MICAL3: variants seen among roughly 807,000 people sequenced by gnomAD.
MICAL3 encodes the protein microtubule associated monooxygenase, calponin and LIM domain containing 3.
In MICAL3, 62 loss-of-function variants were observed where a neutral mutation model predicts 207.4. That is an observed-to-expected ratio of 0.30 (90% CI 0.24 to 0.37). The LOEUF (loss-of-function observed/expected upper bound fraction) is 0.37. MICAL3 is among the 10% of genes least tolerant of loss of function. The pLI is 1.00. For synonymous variants in MICAL3, 1,077 were observed against 1,069.3 expected, an observed-to-expected ratio of 1.01 and a Z score of -0.14; for missense variants, 2,368 against 2,635.6, an observed-to-expected ratio of 0.90 and a Z score of 2.22.
At chr22:17,936,944 C>G (rs890812286) in intron 1 of MICAL3, among the ~76,000 whole-genome samples, 1 of 152,174 alleles carries the variant, frequency 6.6e-6, no homozygotes, top group Non-Finnish European at 1.5e-5. Context: ...CCTTCCTCTG[C>G]AAGAGCACAG....
At chr22:17,911,229 T>C (rs565755320) in intron 1 of MICAL3, among the ~76,000 whole-genome samples, 5 of 152,244 alleles carry the variant, frequency 3.3e-5, no homozygotes, top group East Asian at 3.9e-4. Context: ...TAGTTGAAGG[T>C]TGTCACTGAC....
intron 1 of MICAL3, among the ~76,000 whole-genome samples, chr22:17,948,937 C>CGGTG (rs1934206378): frequency 2.0e-5 from 2 of 100,198 alleles, no homozygotes; most frequent in South Asian, 5.8e-4. Flanking sequence ...TTGGCCAGCA[C>CGGTG]GGTGGGTCGT....
rs749162034 is a variant in MICAL3 at position 17,805,972 on chromosome 22, C to A, written c.5650+2872G>T. ...CTCAAACTCCCGGCCTCAGGTGATC[C>A]GCCCACCTCGGCCTCCCAAAGTGTT... On this transcript the variant is annotated intron_variant, in intron 29 of 31. Coordinates refer to ENST00000441493, the MANE Select transcript of MICAL3 (RefSeq NM_015241.3). 8.9e-4 allele frequency among the ~76,000 whole-genome samples: 136 copies of A among 152,200 alleles called. 4 individuals carry two copies. The highest frequency in any genetic ancestry group is 8.8e-3 in the Admixed American group (135 of 15,278).
At chr22:18,017,868 G>A (rs1025991191) in intron 1 of MICAL3, among the ~76,000 whole-genome samples, 25 of 148,198 alleles carry the variant, frequency 1.7e-4, no homozygotes, top group East Asian at 1.2e-3. Flanking sequence ...CTCCTGCCTC[G>A]GCCTCCCGAG....
intron 27 of MICAL3, chr22:17,813,200 C>T (rs1183344776): frequency 1.3e-5 from 2 of 152,290 alleles, no homozygotes; most frequent in East Asian, 1.9e-4. Context: ...AGCCTCTTCT[C>T]ATTCCATCAC....
chr22:17,966,286 T>C (rs933810769), intron 1 of MICAL3, among the ~76,000 whole-genome samples: 1 of 152,106 alleles, frequency 6.6e-6, no homozygotes, highest in African/African-American at 2.4e-5. Flanking sequence ...TGTGGGCACA[T>C]TCCACTCCCT....
chr22:17,904,581 A>AAGC, intron 3 of MICAL3, 51 bp downstream of exon 3: 1 of 1,363,728 alleles, frequency 7.3e-7, no homozygotes, highest in Non-Finnish European at 1.0e-6. Flanking sequence ...TCTACTGAAC[A>AAGC]AGCGTGCAAG....
At position 17,960,192 on chromosome 22, in the gene MICAL3, C is replaced by T. The variant is rs73151069; in HGVS notation, c.-74-53306G>A. Among the ~76,000 whole-genome samples the T allele has an allele frequency of 6.3e-3, 967 of 152,304 alleles. 6 individuals carry two copies. The highest frequency in any genetic ancestry group is 0.01 in the Non-Finnish European group (701 of 68,030). On this transcript the variant is annotated intron_variant, in intron 1 of 31. Coordinates refer to ENST00000441493, the MANE Select transcript of MICAL3 (RefSeq NM_015241.3). Reference sequence around the variant, plus strand: ...TCACTCCCATTCCTACAGTAGCTTCCGCATCTCTTCATGGGTGCTGTTCTC... The same window carrying T: ...TCACTCCCATTCCTACAGTAGCTTCTGCATCTCTTCATGGGTGCTGTTCTC...
intron 1 of MICAL3, among the ~76,000 whole-genome samples, chr22:17,985,020 G>A (rs992675730): frequency 3.3e-5 from 5 of 152,172 alleles, no homozygotes; most frequent in African/African-American, 7.2e-5. Flanking sequence ...AAGGGAATCC[G>A]GAGCACGGAG....
In MICAL3 at chr22:17,874,812, T is replaced by A. The variant is rs113730924; in HGVS notation, c.2242-2789A>T. 4.0e-3 allele frequency among the ~76,000 whole-genome samples: 599 copies of A among 151,278 alleles called. 4 individuals carry two copies. The highest frequency in any genetic ancestry group is 0.014 in the African/African-American group (559 of 41,190). ...GAGACCTTCCAATCTCTCTAGAAAC[T>A]CCCTACAACTGAACCAGTGCTACTT... On this transcript the variant is annotated intron_variant, in intron 16 of 31. Transcript: ENST00000441493.
intron 1 of MICAL3, among the ~76,000 whole-genome samples, chr22:17,975,802 C>T (rs1935604126): frequency 6.6e-6 from 1 of 152,304 alleles, no homozygotes; most frequent in East Asian, 1.9e-4. Flanking sequence ...TTAAAGAGTG[C>T]TGCACTTTGG....
At chr22:17,874,497 A>G (rs754542828) in intron 16 of MICAL3, among the ~76,000 whole-genome samples, 19 of 151,968 alleles carry the variant, frequency 1.3e-4, no homozygotes, top group Non-Finnish European at 2.2e-4. Context: ...CCTGAACTAA[A>G]CCATCTGGGT....
intron 7 of MICAL3, 74 bp from the exon 8 acceptor site, chr22:17,897,055 G>A: frequency 6.8e-7 from 1 of 1,473,480 alleles, no homozygotes; most frequent in South Asian, 1.3e-5. Flanking sequence ...ACACAACCCA[G>A]GGCCACAGCT....
chr22:17,828,942 G>T (rs889032698), intron 21 of MICAL3, among the ~76,000 whole-genome samples: 2 of 152,202 alleles, frequency 1.3e-5, no homozygotes, highest in African/African-American at 4.8e-5. Flanking sequence ...AACAGGGAAT[G>T]TGAAATGGGC....
In MICAL3 at chr22:17,817,680, G is replaced by T. The variant is rs374317704; in HGVS notation, c.4981C>A (p.Pro1661Thr). 14 of 1,607,856 alleles carry T rather than the reference G, an allele frequency of 8.7e-6. No homozygotes were observed. Among genetic ancestry groups the T allele is most frequent in the Non-Finnish European group, 1.2e-5 (14 of 1,178,014 alleles). Reference protein sequence around the residue: ...TRPTLRGSEEPTLKHEATSEE... With the variant: ...TRPTLRGSEETTLKHEATSEE... ...CTGGTGGCTTCATGCTTCAGGGTGG[G>T]CTCCTCGGAGCCCCTGAGAGTGGGG... Residue 1661 changes from proline to threonine, a missense_variant, in exon 26 of 32, where the codon CCC (proline) becomes ACC (threonine). Physicochemically the swap from Pro to Thr is conservative, Grantham distance 38. Transcript: ENST00000441493.
chr22:17,982,721 T>TAACATAACATAACATAACATAACATAACA (rs1569156771), intron 1 of MICAL3, among the ~76,000 whole-genome samples: 4 of 125,482 alleles, frequency 3.2e-5, no homozygotes, highest in African/African-American at 1.2e-4. Context: ...ATAACAAACA[T>TAACATAACATAACATAACATAACATAACA]AACATAACAT....
At chr22:17,845,166 C>T (rs1456812273) in intron 19 of MICAL3, among the ~76,000 whole-genome samples, 1 of 152,044 alleles carries the variant, frequency 6.6e-6, no homozygotes, top group Non-Finnish European at 1.5e-5. Context: ...AAATACGGAA[C>T]AAAAAGTGGT....
In MICAL3 at chr22:17,863,481, G is replaced by C. The variant is rs531143340; in HGVS notation, c.2605+1418C>G. The C allele has an allele frequency of 7.3e-4, 722 of 985,400 alleles. 1 individual carries two copies. The highest frequency in any genetic ancestry group is 8.3e-4 in the Non-Finnish European group (687 of 829,916). The allele number at this position is 985,400 out of a possible 1,614,324, so 61.0% of individuals were successfully genotyped here. ...TGCTCTGAGAGTGTCAGCTGCAAAGGCCTGTGGGTACTTCACGAGAAAGAT... is the reference window on the plus strand; with the variant it reads ...TGCTCTGAGAGTGTCAGCTGCAAAGCCCTGTGGGTACTTCACGAGAAAGAT... On this transcript the variant is annotated intron_variant, in intron 19 of 31. Transcript: ENST00000441493.
chr22:17,887,104 G>A (rs1929985338), intron 15 of MICAL3, 66 bp downstream of exon 15: 1 of 1,232,210 alleles, frequency 8.1e-7, no homozygotes, highest in Non-Finnish European at 1.2e-6. Flanking sequence ...ATGTGGAAAT[G>A]AAGAATTTTA....
Sources: gnomAD v4.1 joint callset for allele counts (sites outside exome capture counted in the v4.1 genomes callset) on GRCh38, gnomAD v4.1.1 for gene constraint, MANE v1.5 for transcripts, NCBI Gene and HGNC (gene_info 2026-07-23, HGNC 2026-07-21) for gene names.